The following SPINK5 variants were observed in gnomAD, a reference collection of about 807,000 sequenced individuals.
SPINK5 encodes the protein serine protease inhibitor Kazal-type 5.
SPINK5 carries 125 observed loss-of-function variants against 151.8 expected under a neutral mutation model. The ratio of observed to expected loss-of-function variants is 0.82; its 90% CI spans 0.71 to 0.96. The LOEUF (loss-of-function observed/expected upper bound fraction) is 0.96. Ranked by LOEUF, SPINK5 falls within the 40% of genes least tolerant of loss-of-function variation. The probability of loss-of-function intolerance (pLI) is 0.00; values close to 1 mark genes in which losing one functional copy is unlikely to be tolerated. For missense variants in SPINK5, 1,194 were observed against 1,291.9 expected (o/e 0.92, Z 1.16); for synonymous variants, 374 against 395.3 (o/e 0.95, Z 0.64).
intron 31 of SPINK5, among the ~76,000 whole-genome samples, chr5:148,132,658 G>T (rs1449118230): frequency 6.6e-6 from 1 of 152,006 alleles, no homozygotes; most frequent in African/African-American, 2.4e-5. Context: ...TATTGATTTG[G>T]ATCTAAATAC....
intron 18 of SPINK5, among the ~76,000 whole-genome samples, chr5:148,110,167 T>C (rs1442799872): frequency 1.3e-5 from 2 of 152,310 alleles, no homozygotes; most frequent in East Asian, 3.9e-4. Context: ...TATTATTACG[T>C]ATATTATTTT....
intron 8 of SPINK5, among the ~76,000 whole-genome samples, chr5:148,093,136 C>G (rs2113084672): frequency 6.6e-6 from 1 of 151,942 alleles, no homozygotes; most frequent in South Asian, 2.1e-4. Context: ...AGTTATAGAC[C>G]AGGATTTTTT....
At chr5:148,074,423 T>A (rs1032315746) in intron 4 of SPINK5, among the ~76,000 whole-genome samples, 19 of 152,000 alleles carry the variant, frequency 1.3e-4, no homozygotes, top group African/African-American at 4.3e-4. Context: ...GACTTGTTTT[T>A]TTAATTGATG....
chr5:148,128,638 C>T (rs1164754433), intron 30 of SPINK5, among the ~76,000 whole-genome samples: 3 of 152,134 alleles, frequency 2.0e-5, no homozygotes, highest in Non-Finnish European at 4.4e-5. Flanking sequence ...ACGCCATTCT[C>T]CTGCCTCAGC....
At chr5:148,122,458 T>A (rs72660261) in intron 26 of SPINK5, among the ~76,000 whole-genome samples, 16,349 of 152,206 alleles carry the variant, frequency 0.11, 1,135 homozygotes, top group East Asian at 0.31. Flanking sequence ...TGTTATTTTT[T>A]AAGGTAATGT....
chr5:148,093,678 G>C (rs1452992222), intron 8 of SPINK5, among the ~76,000 whole-genome samples: 1 of 142,394 alleles, frequency 7.0e-6, no homozygotes, highest in Non-Finnish European at 1.5e-5. Flanking sequence ...TTTGTGATTT[G>C]GCTGCTGCAT....
chr5:148,131,734 G>T (rs1232832315), intron 31 of SPINK5, among the ~76,000 whole-genome samples: 3 of 139,230 alleles, frequency 2.2e-5, no homozygotes, highest in Non-Finnish European at 3.2e-5. Flanking sequence ...GAGAAAAACA[G>T]TAGAGAACTA....
chr5:148,097,788 T>TTAA (rs140268040), intron 10 of SPINK5, 79 bp from the exon 11 acceptor site: 1 of 1,450,158 alleles, frequency 6.9e-7, no homozygotes, highest in Non-Finnish European at 9.4e-7. Flanking sequence ...AATTTCTCTT[T>TTAA]TTTCTTTGTA....
chr5:148,104,517 T>C (rs188631821), intron 15 of SPINK5, among the ~76,000 whole-genome samples: 4 of 152,288 alleles, frequency 2.6e-5, no homozygotes, highest in Admixed American at 2.6e-4. Flanking sequence ...TAAACTACTA[T>C]GGGTGGATAT....
At chr5:148,129,089 T>C (rs921443245) in intron 30 of SPINK5, among the ~76,000 whole-genome samples, 1 of 152,142 alleles carries the variant, frequency 6.6e-6, no homozygotes, top group Non-Finnish European at 1.5e-5. Context: ...GGGTATTGAT[T>C]CTGTAGGTAT....
chr5:148,131,427 A>C (rs1408503762), intron 31 of SPINK5, 38 bp downstream of exon 31: 1 of 1,612,736 alleles, frequency 6.2e-7, no homozygotes, highest in Non-Finnish European at 8.5e-7. Flanking sequence ...CTTCCAGTTT[A>C]GAATTTCTCA....
intron 16 of SPINK5, among the ~76,000 whole-genome samples, chr5:148,105,418 T>C (rs2113134468): frequency 6.6e-6 from 1 of 152,326 alleles, no homozygotes; most frequent in East Asian, 1.9e-4. Context: ...TTGAGCTTTG[T>C]CACCACCCAG....
chr5:148,092,796 G>C (rs905871884), intron 8 of SPINK5, among the ~76,000 whole-genome samples: 2 of 151,828 alleles, frequency 1.3e-5, no homozygotes, highest in African/African-American at 2.4e-5. Context: ...ATGAGGTTTG[G>C]AGCACATCCA....
chr5:148,100,631 A>G (rs373262886), intron 13 of SPINK5, 50 bp downstream of exon 13: 80 of 1,604,778 alleles, frequency 5.0e-5, no homozygotes, highest in Non-Finnish European at 6.1e-5. Flanking sequence ...TGTTCTTTCT[A>G]TTTCATTTCC....
rs546888008 is a variant in SPINK5 at position 148,086,603 on chromosome 5, C to T, written c.410+71C>T. On this transcript the variant is annotated intron_variant, in intron 5 of 32. Transcript: ENST00000256084. Reference sequence around the variant, plus strand: ...CTATAATTACATGACACAATTTTCCCTACAGTCTTTAAGCTAACGATTCAT... The same window carrying T: ...CTATAATTACATGACACAATTTTCCTTACAGTCTTTAAGCTAACGATTCAT... 3.7e-5 allele frequency: 58 copies of T among 1,579,970 alleles called. No individual in the cohort carries two copies. In the South Asian group the frequency reaches 6.6e-4, roughly 18 times the overall value.
chr5:148,125,471 A>G lies in SPINK5; in HGVS notation c.2740-252A>G, dbSNP rs1264465097. 2.6e-6 allele frequency: 4 copies of G among 1,534,492 alleles called. No homozygotes were observed. In the East Asian group the frequency reaches 6.9e-5, roughly 27 times the overall value. On this transcript the variant is annotated intron_variant, in intron 28 of 32. Transcript: ENST00000256084. ...AAAGGAAGGATGGATGAACGGGAGA[A>G]AAAAACAGGAAGGTCTATCAAGTGT...
rs145040879 is a variant in SPINK5 at position 148,108,698 on chromosome 5, C to G, written c.1608-55C>G. The G allele has an allele frequency of 5.0e-4, 800 of 1,590,702 alleles. 3 individuals carry two copies. In the African/African-American group the frequency reaches 9.2e-3, roughly 18 times the overall value. On this transcript the variant is annotated intron_variant, in intron 17 of 32. Coordinates refer to ENST00000256084, the MANE Select transcript of SPINK5 (RefSeq NM_006846.4). ...GATCCTCATTCCTTTTAAAAATGTA[C>G]TACCAAAAAGAGTAGGGAATCATAT...
At position 148,120,014 on chromosome 5, in the gene SPINK5, A is replaced by G. The variant is rs910262229; in HGVS notation, c.2319A>G (p.Thr773=). ...NGTGSESGKD[T]CDEFRSQMKN... is the part of the protein sequence containing the mutation. ...TAATCTTCCCATCTTTTCAGGATAC[A>G]TGTGATGAGTTTAGAAGCCAAATGA... The change falls in exon 25 of 33, where the codon ACA becomes ACG. Residue 773 remains threonine, a synonymous_variant. Coordinates refer to ENST00000256084, the MANE Select transcript of SPINK5 (RefSeq NM_006846.4). 27 of 1,613,804 alleles carry G rather than the reference A, an allele frequency of 1.7e-5. No individual in the cohort carries two copies. Among genetic ancestry groups the G allele is most frequent in the Non-Finnish European group, 2.0e-5 (24 of 1,179,810 alleles).
At chr5:148,108,883 C>T in intron 18 of SPINK5, 46 bp downstream of exon 18, 1 of 1,607,108 alleles carries the variant, frequency 6.2e-7, no homozygotes, top group Non-Finnish European at 8.5e-7. Context: ...TCAACGATCA[C>T]TCTCCCTAGG....
Sources: gnomAD v4.1 joint callset for allele counts (sites outside exome capture counted in the v4.1 genomes callset) on GRCh38, gnomAD v4.1.1 for gene constraint, MANE v1.5 for transcripts, NCBI Gene and HGNC (gene_info 2026-07-23, HGNC 2026-07-21) for gene names.